Variants in STON2 observed in about 807,000 individuals in gnomAD.
STON2 encodes the protein stonin 2, also known as stonin-2.
A neutral mutation model predicts 65.7 loss-of-function variants in STON2; 29 were observed. That is an observed-to-expected ratio of 0.44 (90% CI 0.33 to 0.60). The LOEUF is 0.60. Ranked by LOEUF, STON2 falls within the 20% of genes least tolerant of loss-of-function variation. The pLI, the probability that STON2 is intolerant of heterozygous loss-of-function variation, is 0.03. For synonymous variants in STON2, 404 were observed against 414.2 expected (o/e 0.98, Z 0.30); for missense variants, 1,054 against 1,118.1 (o/e 0.94, Z 0.82).
chr14:81,362,907 G>A (rs1306349268), intron 4 of STON2, among the ~76,000 whole-genome samples: 2 of 152,084 alleles, frequency 1.3e-5, no homozygotes, highest in African/African-American at 4.8e-5. Context: ...TCGGTCCAGC[G>A]GAGGACTCCT....
At chr14:81,285,050 C>T (rs1895281761) in intron 5 of STON2, among the ~76,000 whole-genome samples, 1 of 152,192 alleles carries the variant, frequency 6.6e-6, no homozygotes, top group Admixed American at 6.5e-5. Context: ...CCTGGCCACC[C>T]AAGAGCACTG....
intron 4 of STON2, among the ~76,000 whole-genome samples, chr14:81,330,206 G>A (rs553160019): frequency 7.2e-5 from 11 of 152,264 alleles, no homozygotes; most frequent in Middle Eastern, 3.4e-3. Context: ...TCTCGGCACC[G>A]TGAGAAGAAT....
chr14:81,371,676 T>TAAAAAA (rs34428344), intron 3 of STON2, among the ~76,000 whole-genome samples: 1 of 97,686 alleles, frequency 1.0e-5, no homozygotes, highest in Non-Finnish European at 1.9e-5. Context: ...AGACTGAGTC[T>TAAAAAA]AAAAAAAAAA....
chr14:81,399,796 C>T (rs1034118092), intron 1 of STON2, among the ~76,000 whole-genome samples: 38 of 152,278 alleles, frequency 2.5e-4, no homozygotes, highest in African/African-American at 7.5e-4. Flanking sequence ...ACTTTTAGTG[C>T]TTCCAGGCCC....
At chr14:81,271,378 G>A (rs1214696343) in intron 6 of STON2, among the ~76,000 whole-genome samples, 2 of 152,268 alleles carry the variant, frequency 1.3e-5, no homozygotes, top group Non-Finnish European at 1.5e-5. Context: ...TAAATGACAA[G>A]GACTTTATAA....
chr14:81,333,069 C>T (rs1396507556), intron 4 of STON2: 24 of 742,172 alleles, frequency 3.2e-5, no homozygotes, highest in African/African-American at 5.2e-5. Context: ...TCTTCTCATA[C>T]AGACCATGTC....
intron 2 of STON2, among the ~76,000 whole-genome samples, chr14:81,414,710 G>A (rs537705419): frequency 8.5e-5 from 13 of 152,156 alleles, no homozygotes; most frequent in Admixed American, 3.9e-4. Flanking sequence ...CACTCGGGGA[G>A]GAGAAGGTAC....
At chr14:81,293,298 CG>C (rs1350596231) in intron 5 of STON2, among the ~76,000 whole-genome samples, 2 of 151,970 alleles carry the variant, frequency 1.3e-5, no homozygotes, top group Non-Finnish European at 2.9e-5. Context: ...CTCAGCCTCC[CG>C]AGTAGCTGGG....
intron 2 of STON2, among the ~76,000 whole-genome samples, chr14:81,425,265 C>T (rs749031625): frequency 6.6e-5 from 10 of 152,058 alleles, no homozygotes; most frequent in Non-Finnish European, 1.5e-4. Context: ...AAGTGTAAAA[C>T]TTGGATTTAA....
chr14:81,311,592 A>C (rs999663527), intron 5 of STON2, among the ~76,000 whole-genome samples: 1 of 152,256 alleles, frequency 6.6e-6, no homozygotes, highest in African/African-American at 2.4e-5. Context: ...AAAATTGACG[A>C]AAATGAGGCA....
At chr14:81,431,025 C>G (rs1319084973) in intron 1 of STON2, among the ~76,000 whole-genome samples, 3 of 152,122 alleles carry the variant, frequency 2.0e-5, no homozygotes, top group African/African-American at 7.2e-5. Context: ...TGTGGTAGTT[C>G]ACCATAGAAT....
intron 5 of STON2, among the ~76,000 whole-genome samples, chr14:81,292,683 T>C (rs1895605374): frequency 6.6e-6 from 1 of 152,180 alleles, no homozygotes; most frequent in Non-Finnish European, 1.5e-5. Flanking sequence ...TTAAACCTCT[T>C]TCCTTTATAA....
chr14:81,392,975 A>G (rs1161739220), intron 3 of STON2, among the ~76,000 whole-genome samples: 1 of 152,240 alleles, frequency 6.6e-6, no homozygotes, highest in Non-Finnish European at 1.5e-5. Context: ...TTAGAATTAG[A>G]ATGAAAATGA....
intron 3 of STON2, among the ~76,000 whole-genome samples, chr14:81,374,719 G>C (rs1899171262): frequency 6.6e-6 from 1 of 152,112 alleles, no homozygotes; most frequent in South Asian, 2.1e-4. Flanking sequence ...ATATGAAAGA[G>C]AGATGAAGAC....
chr14:81,414,403 C>T (rs1353549435), intron 2 of STON2, among the ~76,000 whole-genome samples: 2 of 152,104 alleles, frequency 1.3e-5, no homozygotes, highest in Non-Finnish European at 2.9e-5. Flanking sequence ...AATGTGGATG[C>T]TCACACTTAG....
intron 6 of STON2, among the ~76,000 whole-genome samples, chr14:81,275,458 T>C (rs10483975): frequency 0.67 from 101,326 of 151,782 alleles, 35,483 homozygotes; most frequent in Middle Eastern, 0.86. Flanking sequence ...ATTCCATGGT[T>C]GTCTCTTTCC....
At chr14:81,271,301 A>G (rs926055144) in intron 6 of STON2, among the ~76,000 whole-genome samples, 12 of 152,100 alleles carry the variant, frequency 7.9e-5, no homozygotes, top group African/African-American at 2.9e-4. Flanking sequence ...GAATGAATTG[A>G]TTTTCTTAAT....
intron 4 of STON2, among the ~76,000 whole-genome samples, chr14:81,325,892 C>T (rs940745799): frequency 1.3e-5 from 2 of 151,710 alleles, no homozygotes; most frequent in South Asian, 2.1e-4. Flanking sequence ...CCCCTGTAAA[C>T]ATGATTACAA....
At chr14:81,313,810 T>TACACACACAC (rs10527861) in intron 5 of STON2, among the ~76,000 whole-genome samples, 9 of 139,828 alleles carry the variant, frequency 6.4e-5, no homozygotes, top group African/African-American at 2.1e-4. Flanking sequence ...AAAAAAAAAA[T>TACACACACAC]ACACACACAC....
Sources: gnomAD v4.1 joint callset for allele counts (sites outside exome capture counted in the v4.1 genomes callset) on GRCh38, gnomAD v4.1.1 for gene constraint, MANE v1.5 for transcripts, NCBI Gene and HGNC (gene_info 2026-07-23, HGNC 2026-07-21) for gene names.